ZNF780A: variants seen among roughly 807,000 people sequenced by gnomAD.
ZNF780A encodes the protein zinc finger protein 780A.
In ZNF780A, 40 loss-of-function variants were observed where a neutral mutation model predicts 56.7. That is an observed-to-expected ratio of 0.71 (90% confidence interval 0.55 to 0.92). The LOEUF (loss-of-function observed/expected upper bound fraction) is 0.92, where lower values mean the gene tolerates loss of function less well. Ranked by LOEUF, ZNF780A falls within the 40% of genes least tolerant of loss-of-function variation. The probability of loss-of-function intolerance (pLI) is 0.00; values close to 1 mark genes in which losing one functional copy is unlikely to be tolerated. For synonymous variants in ZNF780A, 231 were observed against 248.3 expected (o/e 0.93, Z 0.66); for missense variants, 672 against 783.3 (o/e 0.86, Z 1.70).
In ZNF780A at chr19:40,073,628, G is replaced by A. The variant is rs768649565; in HGVS notation, c.*888C>T. On this transcript the variant is annotated 3_prime_UTR_variant, in exon 6 of 6. Transcript: ENST00000683561. ...CTTTCTCACAAGAATTATCTTCTCC[G>A]AACTCTAAGGTATTTAGTGTGGCTA... 2.8e-5 allele frequency: 28 copies of A among 985,576 alleles called. No individual in the cohort carries two copies. The highest frequency in any genetic ancestry group is 4.7e-5 in the South Asian group (1 of 21,298). The allele number at this position is 985,576 out of a possible 1,614,324, so 61.1% of individuals were successfully genotyped here. A position where few individuals can be genotyped will look rare whatever the true frequency, so the allele number is the denominator to read the frequency against.
In ZNF780A at chr19:40,075,784, G is replaced by T. The variant is rs1974095644; in HGVS notation, c.658C>A (p.Pro220Thr). The change falls in exon 6 of 6, where the codon CCT becomes ACT. Residue 220 changes from proline to threonine, a missense_variant. Pro to Thr is a conservative substitution (Grantham distance 38, BLOSUM62 -1). Transcript: ENST00000683561. ...RHQKFHTGEK[P>T]FECNECGKAF... is the part of the protein sequence containing the mutation. ...TTTCCACATTCGTTACATTCAAAAG[G>T]TTTCTCACCAGTATGAAATTTCTGA... The T allele has an allele frequency of 6.2e-7, 1 of 1,614,006 alleles. No homozygotes were observed. Among genetic ancestry groups the T allele is most frequent in the African/African-American group, 1.3e-5 (1 of 74,990 alleles).
Position 40,083,184 on chromosome 19 carries a change from C to T in ZNF780A, c.63G>A (p.Glu21=), listed in dbSNP as rs1974584590. Residue 21 remains glutamate, a synonymous_variant, in exon 4 of 6, where the codon GAG becomes GAA. Coordinates refer to ENST00000683561, the MANE Select transcript of ZNF780A (RefSeq NM_001142578.2). ...AGGTCCTCTGATCAGGCTGCAGGCA[C>T]TCCCACTCCTCCTGAGAGAAGTCAA... The part of the protein sequence containing the change: ...VAIDFSQEEW[E]CLQPDQRTLY... 3 of 1,614,212 alleles carry T rather than the reference C, an allele frequency of 1.9e-6. No homozygotes were observed. Among genetic ancestry groups the T allele is most frequent in the African/African-American group, 2.7e-5 (2 of 75,048 alleles).
At chr19:40,090,382 G>T (rs962118374) in intron 1 of ZNF780A, 147 bp from the exon 2 acceptor site, 1 of 152,226 alleles carries the variant, frequency 6.6e-6, no homozygotes, top group South Asian at 2.1e-4. Flanking sequence ...GATTCAACCA[G>T]TACAACCAGT....
intron 5 of ZNF780A, among the ~76,000 whole-genome samples, chr19:40,080,176 G>C (rs915499002): frequency 6.6e-6 from 1 of 151,982 alleles, no homozygotes; most frequent in Non-Finnish European, 1.5e-5. Flanking sequence ...ACCCAAAAAA[G>C]AAAACTCCAG....
chr19:40,073,539 G>C lies in ZNF780A; in HGVS notation c.*977C>G. On this transcript the variant is annotated 3_prime_UTR_variant, in exon 6 of 6. Coordinates refer to ENST00000683561, the MANE Select transcript of ZNF780A (RefSeq NM_001142578.2). ...ATTCAGCGAGGTATGCCTGTATCTG[G>C]TAAATTATTTCATAGGGAGTACATT... 1.0e-6 allele frequency: 1 copy of C among 985,840 alleles called. No individual in the cohort carries two copies. Among genetic ancestry groups the C allele is most frequent in the Non-Finnish European group, 1.2e-6 (1 of 830,310 alleles). The allele number at this position is 985,840 out of a possible 1,614,324, so 61.1% of individuals were successfully genotyped here. A position where few individuals can be genotyped will look rare whatever the true frequency, so the allele number is the denominator to read the frequency against.
chr19:40,072,892 G>A, downstream of ZNF780A: 2 of 1,549,718 alleles, frequency 1.3e-6, no homozygotes, highest in Non-Finnish European at 1.7e-6. Context: ...ACTAAAGAGA[G>A]ATAACCAAAT....
At chr19:40,083,958 G>A (rs936069118) in intron 3 of ZNF780A, among the ~76,000 whole-genome samples, 3 of 151,986 alleles carry the variant, frequency 2.0e-5, no homozygotes, top group African/African-American at 7.3e-5. Flanking sequence ...GGAGTGCAGT[G>A]GCACGATCGC....
intron 3 of ZNF780A, among the ~76,000 whole-genome samples, chr19:40,084,318 G>A (rs1974659079): frequency 1.3e-5 from 2 of 152,108 alleles, no homozygotes; most frequent in Non-Finnish European, 2.9e-5. Context: ...AGATCACCTT[G>A]TCACACTTGC....
rs1974016588 is a variant in ZNF780A at position 40,074,987 on chromosome 19, G to A, written c.1455C>T (p.Gly485=). The A allele has an allele frequency of 8.1e-6, 13 of 1,614,012 alleles. No individual in the cohort carries two copies. The highest frequency in any genetic ancestry group is 2.2e-5 in the East Asian group (1 of 44,882). The change falls in exon 6 of 6, where the codon GGC becomes GGT. Residue 485 remains glycine, a synonymous_variant. Transcript: ENST00000683561. The part of the protein sequence containing the change: ...CQDCGKAFNR[G]SSLVQHQSIH... ...TACTCTGATGTTGAACAAGGCTTGA[G>A]CCACGATTGAAGGCCTTCCCACAGT...
Position 40,089,644 on chromosome 19 carries a change from T to A in ZNF780A, c.-46+522A>T, listed in dbSNP as rs867208744. On this transcript the variant is annotated intron_variant, in intron 2 of 5. Coordinates refer to ENST00000683561, the MANE Select transcript of ZNF780A (RefSeq NM_001142578.2). ...CACACACACACACACACACACACACTCACACACACACGCCTAAAACACAAC... is the reference window on the plus strand; with the variant it reads ...CACACACACACACACACACACACACACACACACACACGCCTAAAACACAAC... Among the ~76,000 whole-genome samples the A allele has an allele frequency of 3.5e-4, 49 of 138,254 alleles. No individual in the cohort carries two copies. The South Asian group carries it at 9.3e-3, about 26-fold the overall frequency. The allele number at this position is 138,254 out of a possible 152,430, so 90.7% of individuals were successfully genotyped here.
intron 4 of ZNF780A, among the ~76,000 whole-genome samples, chr19:40,082,642 T>C (rs956326383): frequency 8.5e-5 from 13 of 152,144 alleles, no homozygotes; most frequent in African/African-American, 3.1e-4. Context: ...CAGGCTGGAG[T>C]GCAGTGATGG....
intron 2 of ZNF780A, 149 bp from the exon 3 acceptor site, chr19:40,084,947 ACT>A: frequency 9.1e-7 from 1 of 1,099,040 alleles, no homozygotes; most frequent in Admixed American, 2.5e-5. Context: ...CCCCACACAC[ACT>A]CTCTCACAAA....
intron 5 of ZNF780A, among the ~76,000 whole-genome samples, chr19:40,077,912 C>T (rs978946051): frequency 2.4e-4 from 35 of 148,848 alleles, no homozygotes; most frequent in Non-Finnish European, 3.6e-4. Context: ...GGAAACTTGA[C>T]ATCTCCACAG....
In ZNF780A at chr19:40,074,897, T is replaced by A. The variant is rs1974008313; in HGVS notation, c.1545A>T (p.Gln515His). ...TGTGAGTTTTCTGATGTTGGGAAAGTTGTAGGTAAAGTCTAAAAGCCTTCC... is the reference window on the plus strand; with the variant it reads ...TGTGAGTTTTCTGATGTTGGGAAAGATGTAGGTAAAGTCTAAAAGCCTTCC... ...ECGKAFRLYLQLSQHQKTHTG... is the reference protein window; with the variant it reads ...ECGKAFRLYLHLSQHQKTHTG... Residue 515 changes from glutamine to histidine, a missense_variant, in exon 6 of 6, where the codon CAA (glutamine) becomes CAT (histidine). Gln to His is a conservative substitution (Grantham distance 24). Coordinates refer to ENST00000683561, the MANE Select transcript of ZNF780A (RefSeq NM_001142578.2). 1 of 1,613,838 alleles carries A rather than the reference T, an allele frequency of 6.2e-7. No homozygotes were observed. The highest frequency in any genetic ancestry group is 8.5e-7 in the Non-Finnish European group (1 of 1,179,928).
rs762945960 is a variant in ZNF780A at position 40,075,271 on chromosome 19, A to T, written c.1171T>A (p.Cys391Ser). 1 of 1,613,928 alleles carries T rather than the reference A, an allele frequency of 6.2e-7. No individual in the cohort carries two copies. Residue 391 changes from cysteine to serine, a missense_variant, in exon 6 of 6, where the codon TGT becomes AGT. Cys to Ser is a moderately radical substitution (Grantham distance 112). Coordinates refer to ENST00000683561, the MANE Select transcript of ZNF780A (RefSeq NM_001142578.2). ...TTAAAGGACTTCCCACATTCCTTAC[A>T]TTCAAACGGTTTTTCACCTGTGTGA... ...NIHTGEKPFE[C>S]KECGKSFNRS...
intron 2 of ZNF780A, among the ~76,000 whole-genome samples, chr19:40,087,007 G>GT (rs1280013571): frequency 6.6e-6 from 1 of 151,990 alleles, no homozygotes; most frequent in African/African-American, 2.4e-5. Context: ...CCCGCCCCAT[G>GT]TAACATTTTC....
Position 40,081,884 on chromosome 19 carries a change from G to A in ZNF780A, c.167C>T (p.Thr56Met), listed in dbSNP as rs200125809. The A allele has an allele frequency of 3.7e-6, 6 of 1,605,414 alleles. No homozygotes were observed. Among genetic ancestry groups the A allele is most frequent in the East Asian group, 2.3e-5 (1 of 44,286 alleles). The change falls in exon 5 of 6, where the codon ACG becomes ATG. Residue 56 changes from threonine to methionine, a missense_variant. Transcript: ENST00000683561. ...GSSISKPDVI[T>M]LLEQEKEPWM... ...GGGCTCTTTCTCTTGCTCTAGTAAC[G>A]TAATTACATCTGGTTTAGAAATGGA...
rs925157860 is a variant in ZNF780A at position 40,075,428 on chromosome 19, A to G, written c.1014T>C (p.Cys338=). 6 of 1,613,964 alleles carry G rather than the reference A, an allele frequency of 3.7e-6. No individual in the cohort carries two copies. In the African/African-American group the frequency reaches 4.0e-5, roughly 11 times the overall value. Residue 338 remains cysteine (C), a synonymous_variant, in exon 6 of 6, where the codon TGT becomes TGC. Coordinates refer to ENST00000683561, the MANE Select transcript of ZNF780A (RefSeq NM_001142578.2). ...TTGTCAGAAGAGTAAACGCCTTTCC[A>G]CATTCTTTACATTCAAAGGGTTTCT... ...TGEKPFECKE[C]GKAFTLLTKL...
At chr19:40,072,710 C>T, downstream of ZNF780A, 1 of 1,178,006 alleles carries the variant, frequency 8.5e-7, no homozygotes, top group Non-Finnish European at 1.1e-6. Context: ...AGGTCAGTGG[C>T]TCTCTAACTC....
Sources: gnomAD v4.1 joint callset for allele counts (sites outside exome capture counted in the v4.1 genomes callset) on GRCh38, gnomAD v4.1.1 for gene constraint, MANE v1.5 for transcripts, NCBI Gene and HGNC (gene_info 2026-07-23, HGNC 2026-07-21) for gene names.